The following JAM3 variants were observed in gnomAD, a reference collection of about 807,000 sequenced individuals.
JAM3 encodes junctional adhesion molecule C.
JAM3 carries 31 observed loss-of-function variants against 39.4 expected under a neutral mutation model. The ratio of observed to expected loss-of-function variants is 0.79; its 90% CI spans 0.59 to 1.06. The LOEUF is 1.06. Ranked by LOEUF, JAM3 falls within the 50% of genes least tolerant of loss-of-function variation. The probability of loss-of-function intolerance (pLI) is 0.00; values close to 1 mark genes in which losing one functional copy is unlikely to be tolerated. For synonymous variants in JAM3, 182 were observed against 148.7 expected (o/e 1.22, Z -1.63); for missense variants, 455 against 391.4 (o/e 1.16, Z -1.37).
chr11:134,133,692 CAG>C (rs1942810355), intron 1 of JAM3, among the ~76,000 whole-genome samples: 1 of 152,136 alleles, frequency 6.6e-6, no homozygotes. Flanking sequence ...GACTGAGACA[CAG>C]TGGTGAAGGT....
rs996655967 is a variant in JAM3 at position 134,139,011 on chromosome 11, CTGTA to C, written c.77-837_77-834del. On this transcript the variant is annotated intron_variant, in intron 1 of 8. Transcript: ENST00000299106. The stretch of plus-strand genomic sequence containing the variant: ...ACCCAGAGACCTTCATCAAGGTGTT[CTGTA>C]TGAAGGCCTTCTTTGGGGATGGCAT... Among the ~76,000 whole-genome samples the C allele has an allele frequency of 3.5e-4, 53 of 152,228 alleles. 1 individual carries two copies. The highest frequency in any genetic ancestry group is 1.2e-3 in the African/African-American group (49 of 41,540).
intron 1 of JAM3, among the ~76,000 whole-genome samples, chr11:134,133,357 C>T (rs182561353): frequency 3.3e-5 from 5 of 152,244 alleles, no homozygotes; most frequent in South Asian, 4.1e-4. Context: ...AAGTGGGCAT[C>T]GTTGTCTTGT....
intron 1 of JAM3, among the ~76,000 whole-genome samples, chr11:134,130,615 C>A (rs1411434312): frequency 1.3e-5 from 2 of 152,124 alleles, no homozygotes; most frequent in Non-Finnish European, 2.9e-5. Flanking sequence ...AGCAACCAAG[C>A]AAATATCTAA....
intron 1 of JAM3, among the ~76,000 whole-genome samples, chr11:134,086,649 T>G (rs1941749710): frequency 6.6e-6 from 1 of 152,184 alleles, no homozygotes; most frequent in Non-Finnish European, 1.5e-5. Context: ...TGAGTTTACA[T>G]ACAAAATAAA....
At chr11:134,133,637 TAACTC>T (rs1942809266) in intron 1 of JAM3, among the ~76,000 whole-genome samples, 1 of 152,134 alleles carries the variant, frequency 6.6e-6, no homozygotes. Flanking sequence ...GTTAGGTACT[TAACTC>T]CAGCCGCCTC....
At chr11:134,081,399 G>C (rs562158473) in intron 1 of JAM3, among the ~76,000 whole-genome samples, 1 of 152,200 alleles carries the variant, frequency 6.6e-6, no homozygotes, top group Non-Finnish European at 1.5e-5. Flanking sequence ...TTCATGGGCC[G>C]GGCCCAGGGT....
intron 1 of JAM3, among the ~76,000 whole-genome samples, chr11:134,115,027 A>T (rs1199101650): frequency 6.6e-6 from 1 of 152,214 alleles, no homozygotes; most frequent in Non-Finnish European, 1.5e-5. Context: ...AAGCTCTGTT[A>T]CTAGGTACAT....
At chr11:134,146,192 C>T (rs1943067638) in intron 6 of JAM3, 147 bp downstream of exon 6, 4 of 698,966 alleles carry the variant, frequency 5.7e-6, no homozygotes, top group Non-Finnish European at 7.7e-6. Context: ...GAACCCACTG[C>T]ACAGTGAAGG....
At chr11:134,069,403 G>A (rs897591711) in intron 1 of JAM3, among the ~76,000 whole-genome samples, 1 of 152,160 alleles carries the variant, frequency 6.6e-6, no homozygotes, top group Non-Finnish European at 1.5e-5. Context: ...GCTAATTTGG[G>A]ATGGGGGGCC....
At chr11:134,140,155 TTTC>T (rs1032131999) in intron 2 of JAM3, among the ~76,000 whole-genome samples, 74 of 152,250 alleles carry the variant, frequency 4.9e-4, no homozygotes, top group African/African-American at 1.6e-3. Flanking sequence ...AACAAATAAA[TTTC>T]TTTTTTCTTT....
At chr11:134,079,586 A>G (rs776466247) in intron 1 of JAM3, among the ~76,000 whole-genome samples, 2 of 152,152 alleles carry the variant, frequency 1.3e-5, no homozygotes, top group Non-Finnish European at 2.9e-5. Context: ...TTCATTTCCT[A>G]GCTTTGCATG....
intron 1 of JAM3, among the ~76,000 whole-genome samples, chr11:134,079,524 T>C (rs569889484): frequency 4.7e-4 from 71 of 151,984 alleles, no homozygotes; most frequent in Middle Eastern, 3.4e-3. Context: ...TTTCAGATAG[T>C]TTTCTGGGTG....
intron 1 of JAM3, among the ~76,000 whole-genome samples, chr11:134,089,364 G>C (rs901861653): frequency 2.6e-5 from 4 of 151,974 alleles, no homozygotes; most frequent in Non-Finnish European, 5.9e-5. Flanking sequence ...ACAGCATGCA[G>C]GTTAGTTACA....
chr11:134,148,892 G>C, intron 8 of JAM3, 74 bp downstream of exon 8: 1 of 1,468,792 alleles, frequency 6.8e-7, no homozygotes, highest in South Asian at 1.2e-5. Context: ...GAAACCACAC[G>C]GGTCTCCTGG....
intron 1 of JAM3, chr11:134,070,348 A>G (rs1463499983): frequency 2.5e-6 from 1 of 394,894 alleles, no homozygotes. Context: ...TCATCCCATG[A>G]TGTTTTCCAG....
chr11:134,107,729 G>T (rs1032246328), intron 1 of JAM3, among the ~76,000 whole-genome samples: 4 of 152,038 alleles, frequency 2.6e-5, no homozygotes, highest in Non-Finnish European at 5.9e-5. Flanking sequence ...CAGGCATGGT[G>T]GTAGATGCCT....
chr11:134,124,163 A>G, intron 1 of JAM3: 1 of 1,458,602 alleles, frequency 6.9e-7, no homozygotes, highest in South Asian at 1.1e-5. Flanking sequence ...CTTCTTTTTC[A>G]ACTGGAGCTT....
At chr11:134,100,709 T>TA (rs1942058438) in intron 1 of JAM3, among the ~76,000 whole-genome samples, 1 of 152,152 alleles carries the variant, frequency 6.6e-6, no homozygotes, top group African/African-American at 2.4e-5. Flanking sequence ...CTCTTACTCT[T>TA]ACAACTGGAG....
chr11:134,101,959 TG>T (rs1279875042), intron 1 of JAM3, among the ~76,000 whole-genome samples: 1 of 152,022 alleles, frequency 6.6e-6, no homozygotes, highest in Non-Finnish European at 1.5e-5. Context: ...GAGTCTGAGG[TG>T]GGAGAATTGC....
Sources: gnomAD v4.1 joint callset for allele counts (sites outside exome capture counted in the v4.1 genomes callset) on GRCh38, gnomAD v4.1.1 for gene constraint, MANE v1.5 for transcripts, NCBI Gene and HGNC (gene_info 2026-07-23, HGNC 2026-07-21) for gene names.